MKNK2: variants seen among roughly 807,000 people sequenced by gnomAD.
MKNK2 encodes the protein MAPK interacting serine/threonine kinase 2.
A neutral mutation model predicts 55.0 loss-of-function variants in MKNK2; 54 were observed. The ratio of observed to expected loss-of-function variants is 0.98; its 90% CI spans 0.79 to 1.23. The LOEUF (loss-of-function observed/expected upper bound fraction) is 1.23, where lower values mean the gene tolerates loss of function less well. Among genes scored for constraint, MKNK2 ranks in the 50% most tolerant of loss-of-function variants. The probability of loss-of-function intolerance (pLI) is 0.00; values close to 1 mark genes in which losing one functional copy is unlikely to be tolerated. For synonymous variants in MKNK2, 323 were observed against 256.0 expected (o/e 1.26, Z -2.50); for missense variants, 685 against 632.1 (o/e 1.08, Z -0.90).
chr19:2,042,869 G>A lies in MKNK2; in HGVS notation c.495C>T (p.Gly165=), dbSNP rs1300918630. The change falls in exon 8 of 14, where the codon GGC becomes GGT. Residue 165 remains glycine (G), a splice_region_variant and synonymous_variant. Coordinates refer to ENST00000250896, the MANE Select transcript of MKNK2 (RefSeq NM_199054.3). ...FYLVFEKMRG[G]SILSHIHKRR... ...GCTTGTGGATGTGGCTCAGGATGGA[G>A]CCTGGGCAGGGCAGGGCAGGGCAGG... 6.4e-7 allele frequency: 1 copy of A among 1,569,396 alleles called. No homozygotes were observed. The highest frequency in any genetic ancestry group is 1.1e-5 in the South Asian group (1 of 87,038).
At chr19:2,047,994 C>A (rs1181124561) in intron 2 of MKNK2, among the ~76,000 whole-genome samples, 1 of 152,170 alleles carries the variant, frequency 6.6e-6, no homozygotes, top group Admixed American at 6.5e-5. Context: ...CCCGCAGCTA[C>A]CAGTTACCGA....
chr19:2,050,665 C>A lies in MKNK2; in HGVS notation c.51+136G>T, dbSNP rs1056682174. 15 of 759,378 alleles carry A rather than the reference C, an allele frequency of 2.0e-5. No homozygotes were observed. The Admixed American group carries it at 3.9e-4, about 20-fold the overall frequency. 47.0% of individuals were successfully genotyped at this position (759,378 alleles called of 1,614,324 possible). A position where few individuals can be genotyped will look rare whatever the true frequency, so the allele number is the denominator to read the frequency against. ...GACCCCGCTTCAGCGCACGGCCGGCCCGGGCAGCCCCGGGTGTAGGGCGGG... is the reference window on the plus strand; with the variant it reads ...GACCCCGCTTCAGCGCACGGCCGGCACGGGCAGCCCCGGGTGTAGGGCGGG... On this transcript the variant is annotated intron_variant, in intron 2 of 13. Coordinates refer to ENST00000250896, the MANE Select transcript of MKNK2 (RefSeq NM_199054.3).
chr19:2,046,961 C>CT (rs900461393), intron 2 of MKNK2, among the ~76,000 whole-genome samples: 1 of 152,122 alleles, frequency 6.6e-6, no homozygotes, highest in South Asian at 2.1e-4. Context: ...GGATTTCTCT[C>CT]TTTTTTAAAT....
In MKNK2 at chr19:2,042,517, G is replaced by C. The variant is rs747865922; in HGVS notation, c.660C>G (p.Ser220=). 7.2e-5 allele frequency: 115 copies of C among 1,593,444 alleles called. 1 individual carries two copies. The highest frequency in any genetic ancestry group is 8.5e-5 in the Non-Finnish European group (99 of 1,171,380). The change falls in exon 10 of 14, where the codon TCC becomes TCG. Residue 220 remains serine, a synonymous_variant. Coordinates refer to ENST00000250896, the MANE Select transcript of MKNK2 (RefSeq NM_199054.3). ...NILCEHPNQV[S]PVKICDFDLG... Reference sequence around the variant, plus strand: ...GGTCGAAGTCACAGATCTTCACGGGGGAGACCTGGGAGGGGCCAAAAGGTC... The same window carrying C: ...GGTCGAAGTCACAGATCTTCACGGGCGAGACCTGGGAGGGGCCAAAAGGTC...
In MKNK2 at chr19:2,046,235, C is replaced by A. The variant is rs1356353368; in HGVS notation, c.290G>T (p.Arg97Leu). ...GATCAGGTTGATGCAGGTCTGCACT[C>A]GGGCATGAGCGCCCTCCCCCAGCAC... ...EDVLGEGAHA[R>L]VQTCINLITS... Residue 97 changes from arginine (R) to leucine (L), a missense_variant, in exon 5 of 14, where the codon CGA (arginine) becomes CTA (leucine). Transcript: ENST00000250896. 4.4e-6 allele frequency: 7 copies of A among 1,607,034 alleles called. No homozygotes were observed. The highest frequency in any genetic ancestry group is 5.9e-6 in the Non-Finnish European group (7 of 1,179,938).
chr19:2,041,782 C>T, intron 11 of MKNK2, 58 bp downstream of exon 11: 2 of 1,417,998 alleles, frequency 1.4e-6, no homozygotes, highest in Non-Finnish European at 1.9e-6. Flanking sequence ...AGGGGGTGTT[C>T]AGGGCAGGCC....
intron 2 of MKNK2, among the ~76,000 whole-genome samples, chr19:2,048,866 G>A (rs908341324): frequency 3.3e-5 from 5 of 152,188 alleles, no homozygotes; most frequent in African/African-American, 1.2e-4. Flanking sequence ...GGCCCCTGGT[G>A]GCCCTGGGGC....
rs1360169565 is a variant in MKNK2 at position 2,041,928 on chromosome 19, T to C, written c.857A>G (p.Tyr286Cys). Residue 286 changes from tyrosine (Y) to cysteine (C), a missense_variant, in exon 11 of 14, where the codon TAT becomes TGT. Tyr to Cys is a radical substitution (Grantham distance 194, BLOSUM62 -2). Coordinates refer to ENST00000250896, the MANE Select transcript of MKNK2 (RefSeq NM_199054.3). ...GGGCGGGTAGCCGCTGAGTAGGATA[T>C]ACAAGATGACGCCCAGGCTCCACAG... is the stretch of plus-strand genomic sequence containing the variant. ...CDLWSLGVILYILLSGYPPFV... is the reference protein window; with the variant it reads ...CDLWSLGVILCILLSGYPPFV... 5.2e-6 allele frequency: 8 copies of C among 1,551,806 alleles called. No homozygotes were observed. Among genetic ancestry groups the C allele is most frequent in the Non-Finnish European group, 7.0e-6 (8 of 1,147,692 alleles).
Position 2,042,016 on chromosome 19 carries a change from T to G in MKNK2, c.769A>C (p.Met257Leu), listed in dbSNP as rs559059439. ...AAGGCCTCCACTACCTCCGGGGCCA[T>G]GTACTCCGCCGAGCCGCACTGCGGG... The part of the protein sequence containing the change: ...LLTPCGSAEY[M>L]APEVVEAFSE... Residue 257 changes from methionine (M) to leucine (L), a missense_variant, in exon 11 of 14, where the codon ATG becomes CTG. By Grantham distance (15) the Met-to-Leu change is conservative. Transcript: ENST00000250896. 1 of 1,524,820 alleles carries G rather than the reference T, an allele frequency of 6.6e-7. No individual in the cohort carries two copies. The highest frequency in any genetic ancestry group is 2.6e-5 in the East Asian group (1 of 38,792). 94.5% of individuals were successfully genotyped at this position (1,524,820 alleles called of 1,614,324 possible).
chr19:2,040,136 C>A lies in MKNK2; in HGVS notation c.1152G>T (p.Gln384His). Residue 384 changes from glutamine (Q) to histidine (H), a missense_variant and splice_region_variant, in exon 13 of 14, where the codon CAG becomes CAT. Transcript: ENST00000250896. ...CCGAGCACCCCTGCGGGCCTTACCT[C>A]TGCAGGACCATGGGAGTGGGCAAGG... is the stretch of plus-strand genomic sequence containing the variant. ...ENTLPTPMVL[Q>H]RNSCAKDLTS... The A allele has an allele frequency of 1.9e-6, 3 of 1,592,252 alleles. No individual in the cohort carries two copies. Among genetic ancestry groups the A allele is most frequent in the Non-Finnish European group, 2.6e-6 (3 of 1,171,288 alleles).
At chr19:2,043,072 C>G in intron 7 of MKNK2, 52 bp downstream of exon 7, 1 of 1,511,660 alleles carries the variant, frequency 6.6e-7, no homozygotes, top group Non-Finnish European at 9.2e-7. Context: ...GGCCCCCATC[C>G]CGTAATACCT....
In MKNK2 at chr19:2,043,204, T is replaced by C; in HGVS notation, c.420-7A>G. Reference sequence around the variant, plus strand: ...AATCAGCTCTAGGACGTTCCTGGGGTGGGGGTGGGGGCAGGAGAGGAGCTG... The same window carrying C: ...AATCAGCTCTAGGACGTTCCTGGGGCGGGGGTGGGGGCAGGAGAGGAGCTG... On this transcript the variant is annotated splice_polypyrimidine_tract_variant and splice_region_variant and intron_variant, in intron 6 of 13. Transcript: ENST00000250896. 1.0e-6 allele frequency: 1 copy of C among 993,630 alleles called. No individual in the cohort carries two copies. The highest frequency in any genetic ancestry group is 1.7e-5 in the African/African-American group (1 of 58,544). 61.6% of individuals were successfully genotyped at this position (993,630 alleles called of 1,614,324 possible). A position where few individuals can be genotyped will look rare whatever the true frequency, so the allele number is the denominator to read the frequency against.
In MKNK2 at chr19:2,042,796, C is replaced by CCACG; in HGVS notation, c.564_567dup (p.Ala190ArgfsTer10). On this transcript the variant is annotated frameshift_variant, in exon 8 of 14. Coordinates refer to ENST00000250896, the MANE Select transcript of MKNK2 (RefSeq NM_199054.3). LOFTEE classifies it high-confidence loss of function. Reference sequence around the variant, plus strand: ...TTATGCAGAAAGTCCAAGGCGCTGGCCACGTCCTGCACCACCACGCTGGCC... The same window carrying CCACG: ...TTATGCAGAAAGTCCAAGGCGCTGGCCACGCACGTCCTGCACCACCACGCTGGCC... 6.3e-7 allele frequency: 1 copy of CCACG among 1,580,922 alleles called. No homozygotes were observed. The highest frequency in any genetic ancestry group is 8.6e-7 in the Non-Finnish European group (1 of 1,162,600).
rs1405676144 is a variant in MKNK2 at position 2,039,807 on chromosome 19, T to C, written c.1204A>G (p.Met402Val). 6.2e-7 allele frequency: 1 copy of C among 1,605,538 alleles called. No homozygotes were observed. Among genetic ancestry groups the C allele is most frequent in the Non-Finnish European group, 8.5e-7 (1 of 1,179,070 alleles). The change falls in exon 14 of 14, where the codon ATG becomes GTG. Residue 402 changes from methionine to valine, a missense_variant. Transcript: ENST00000250896. ...TCGTGCTGGGCCAGCTGCCGGTTCA[T>C]GGCAATGGCCTCAGCCGCGAAGGAC... ...LTSFAAEAIA[M>V]NRQLAQHDED... is the part of the protein sequence containing the mutation.
chr19:2,042,081 G>A (rs929848946), intron 10 of MKNK2, 47 bp from the exon 11 acceptor site: 4 of 1,419,514 alleles, frequency 2.8e-6, no homozygotes, highest in Non-Finnish European at 3.7e-6. Flanking sequence ...CCAGCATTAC[G>A]TGGGAACCGA....
intron 2 of MKNK2, among the ~76,000 whole-genome samples, 190 bp from the exon 3 acceptor site, chr19:2,046,881 C>T (rs1286191726): frequency 7.2e-5 from 11 of 152,242 alleles, no homozygotes; most frequent in Admixed American, 2.6e-4. Context: ...AAGGGGCAGA[C>T]AGCATAAACC....
At position 2,043,119 on chromosome 19, in the gene MKNK2, G is replaced by C. The variant is rs2016928304; in HGVS notation, c.493+5C>G. On this transcript the variant is annotated splice_donor_5th_base_variant and intron_variant, in intron 7 of 13. Coordinates refer to ENST00000250896, the MANE Select transcript of MKNK2 (RefSeq NM_199054.3). ...CCCTCCTCACAGCCTGGAGCCCCCA[G>C]GTACCTCCCCGCATCTTCTCAAACA... 6.2e-7 allele frequency: 1 copy of C among 1,612,004 alleles called. No homozygotes were observed.
intron 2 of MKNK2, among the ~76,000 whole-genome samples, chr19:2,050,176 G>A (rs1022539788): frequency 1.3e-5 from 2 of 152,168 alleles, no homozygotes; most frequent in African/African-American, 2.4e-5. Context: ...CACCACCCGG[G>A]CTGCGCAGAA....
chr19:2,050,997 C>T (rs2017106689), intron 1 of MKNK2, 50 bp from the exon 2 acceptor site: 6 of 455,296 alleles, frequency 1.3e-5, no homozygotes, highest in Middle Eastern at 6.0e-4. Flanking sequence ...GCCCGGCCTG[C>T]CAGGAGCGCG....
Sources: allele counts gnomAD v4.1 joint callset (sites outside exome capture counted in the v4.1 genomes callset), GRCh38; gene constraint gnomAD v4.1.1; transcripts MANE v1.5; gene names NCBI Gene and HGNC (gene_info 2026-07-23, HGNC 2026-07-21).